The following RBFOX1 variants were observed in gnomAD, a reference collection of about 807,000 sequenced individuals.
The protein encoded by RBFOX1 is RNA binding protein fox-1 homolog 1.
Under a neutral mutation model 57.7 loss-of-function variants are expected in RBFOX1, and 8 were observed. The observed-to-expected ratio is 0.14, with a 90% CI of 0.08 to 0.25. RBFOX1 has a LOEUF of 0.25. Among genes scored for constraint, RBFOX1 ranks in the 10% least tolerant of loss-of-function variants. The probability of loss-of-function intolerance (pLI) is 1.00; values close to 1 mark genes in which losing one functional copy is unlikely to be tolerated. For missense variants in RBFOX1, 611 were observed against 548.5 expected, an observed-to-expected ratio of 1.11 and a Z score of -1.14; for synonymous variants, 326 against 222.4, an observed-to-expected ratio of 1.47 and a Z score of -4.15.
At chr16:7,286,665 C>A (rs1291093957) in intron 4 of RBFOX1, among the ~76,000 whole-genome samples, 7 of 147,190 alleles carry the variant, frequency 4.8e-5, no homozygotes, top group Non-Finnish European at 1.0e-4. Context: ...ACTCTGTCAC[C>A]CAGGATGGAG....
chr16:6,766,182 A>T (rs2077300612), intron 3 of RBFOX1, among the ~76,000 whole-genome samples: 1 of 152,048 alleles, frequency 6.6e-6, no homozygotes, highest in Non-Finnish European at 1.5e-5. Flanking sequence ...GATATGGAGA[A>T]AAAAAAAGAC....
intron 2 of RBFOX1, among the ~76,000 whole-genome samples, chr16:6,619,746 T>G (rs1341531928): frequency 6.6e-6 from 1 of 151,238 alleles, no homozygotes; most frequent in African/African-American, 2.4e-5. Context: ...ACAAATGTAC[T>G]GTTTTTACAT....
chr16:5,323,406 C>T (rs556007703), intron 1 of RBFOX1, among the ~76,000 whole-genome samples: 2 of 152,270 alleles, frequency 1.3e-5, no homozygotes, highest in Middle Eastern at 3.4e-3. Flanking sequence ...ACCCGCAGTT[C>T]GAAAAACTCT....
At chr16:6,200,209 T>C (rs975974327) in intron 1 of RBFOX1, among the ~76,000 whole-genome samples, 1 of 152,192 alleles carries the variant, frequency 6.6e-6, no homozygotes, top group East Asian at 1.9e-4. Flanking sequence ...TGAATACAAC[T>C]ATTAATATCA....
intron 4 of RBFOX1, among the ~76,000 whole-genome samples, chr16:5,967,627 C>A (rs1002000098): frequency 3.3e-5 from 5 of 152,118 alleles, no homozygotes; most frequent in Admixed American, 2.6e-4. Flanking sequence ...ACTTCCAATC[C>A]ATGTTTTACA....
At chr16:6,962,299 A>G (rs968650124) in intron 3 of RBFOX1, among the ~76,000 whole-genome samples, 1 of 152,154 alleles carries the variant, frequency 6.6e-6, no homozygotes, top group Non-Finnish European at 1.5e-5. Context: ...CCCTAAATTC[A>G]GGACAATCTC....
intron 2 of RBFOX1, among the ~76,000 whole-genome samples, chr16:6,452,642 G>A (rs1029249511): frequency 6.6e-6 from 1 of 152,198 alleles, no homozygotes; most frequent in African/African-American, 2.4e-5. Flanking sequence ...AATGGGCCCA[G>A]TTTAAGACAA....
At chr16:7,662,941 T>C (rs2068141462) in intron 12 of RBFOX1, among the ~76,000 whole-genome samples, 1 of 152,240 alleles carries the variant, frequency 6.6e-6, no homozygotes, top group Admixed American at 6.5e-5. Flanking sequence ...CAAATGCCCA[T>C]GTGCTTCCCA....
At chr16:5,272,403 A>G (rs943506074) in intron 1 of RBFOX1, among the ~76,000 whole-genome samples, 13 of 152,228 alleles carry the variant, frequency 8.5e-5, no homozygotes, top group African/African-American at 2.9e-4. Context: ...TTTGGCATTG[A>G]TGGAACTGGA....
chr16:7,303,794 C>T (rs1014624446), intron 4 of RBFOX1, among the ~76,000 whole-genome samples: 1 of 150,928 alleles, frequency 6.6e-6, no homozygotes, highest in Non-Finnish European at 1.5e-5. Context: ...TCTCTCCCCT[C>T]CCTCTCTCTT....
intron 1 of RBFOX1, among the ~76,000 whole-genome samples, chr16:5,356,176 A>C (rs2065383551): frequency 6.6e-6 from 1 of 152,152 alleles, no homozygotes; most frequent in Non-Finnish European, 1.5e-5. Flanking sequence ...GGAGTGACGC[A>C]TCTAACAGCC....
chr16:7,567,913 A>G (rs2092293703), intron 5 of RBFOX1, among the ~76,000 whole-genome samples: 1 of 150,914 alleles, frequency 6.6e-6, no homozygotes, highest in Non-Finnish European at 1.5e-5. Context: ...ATATATCCAT[A>G]TATATGTATG....
chr16:5,370,234 G>A (rs59134065), intron 1 of RBFOX1, among the ~76,000 whole-genome samples: 1 of 152,158 alleles, frequency 6.6e-6, no homozygotes, highest in South Asian at 2.1e-4. Context: ...TGGTGGGTCA[G>A]CTGTGTTCTT....
intron 5 of RBFOX1, among the ~76,000 whole-genome samples, chr16:7,575,050 T>TG (rs200922897): frequency 0.022 from 2,219 of 102,366 alleles, 66 homozygotes; most frequent in African/African-American, 0.073. Flanking sequence ...TGATCTTATT[T>TG]GGGGGGGGCT....
At chr16:5,825,170 C>T (rs957222061) in intron 3 of RBFOX1, among the ~76,000 whole-genome samples, 5 of 152,306 alleles carry the variant, frequency 3.3e-5, no homozygotes, top group South Asian at 4.1e-4. Context: ...AGTCCCAGCT[C>T]GGCTATGCAC....
chr16:6,742,154 A>T (rs1369537533), intron 3 of RBFOX1, among the ~76,000 whole-genome samples: 1 of 152,188 alleles, frequency 6.6e-6, no homozygotes, highest in East Asian at 1.9e-4. Context: ...AAACCAATCC[A>T]TTTAGAAAAT....
At chr16:7,157,449 G>A (rs2077387421) in intron 4 of RBFOX1, among the ~76,000 whole-genome samples, 2 of 152,216 alleles carry the variant, frequency 1.3e-5, no homozygotes, top group South Asian at 2.1e-4. Context: ...GAAATGTTAT[G>A]GCAGCAGATA....
chr16:5,339,102 T>G (rs1344793944), intron 1 of RBFOX1, among the ~76,000 whole-genome samples: 1 of 152,128 alleles, frequency 6.6e-6, no homozygotes. Flanking sequence ...GTAGATCTCT[T>G]GAACTCATTC....
intron 3 of RBFOX1, among the ~76,000 whole-genome samples, chr16:6,768,108 G>C (rs540613322): frequency 1.3e-5 from 2 of 151,408 alleles, no homozygotes; most frequent in African/African-American, 4.8e-5. Context: ...GATAAAGGTG[G>C]ATTTGCTTGG....
Sources: gnomAD v4.1 joint callset for allele counts (sites outside exome capture counted in the v4.1 genomes callset) on GRCh38, gnomAD v4.1.1 for gene constraint, MANE v1.5 for transcripts, NCBI Gene and HGNC (gene_info 2026-07-23, HGNC 2026-07-21) for gene names.